ANKZF1: variants seen among roughly 807,000 people sequenced by gnomAD.
ANKZF1 encodes tRNA endonuclease ANKZF1.
ANKZF1 carries 84 observed loss-of-function variants against 86.0 expected under a neutral mutation model. The observed-to-expected ratio is 0.98, with a 90% confidence interval of 0.82 to 1.17. ANKZF1 has a LOEUF of 1.17. Ranked by LOEUF, ANKZF1 falls within the 50% of genes most tolerant of loss-of-function variation. ANKZF1 has a pLI of 0.00. For synonymous variants in ANKZF1, 331 were observed against 354.2 expected (o/e 0.93, Z 0.74); for missense variants, 893 against 918.4 (o/e 0.97, Z 0.36).
chr2:219,232,882 A>G, intron 5 of ANKZF1, 197 bp from the exon 6 acceptor site: 1 of 829,942 alleles, frequency 1.2e-6, no homozygotes, highest in East Asian at 2.6e-5. Flanking sequence ...TTGGAAACAA[A>G]CCAATTTAGG....
intron 6 of ANKZF1, 30 bp from the exon 7 acceptor site, chr2:219,233,256 T>C (rs1204984547): frequency 1.2e-6 from 2 of 1,614,172 alleles, no homozygotes; most frequent in East Asian, 2.2e-5. Flanking sequence ...CACCAGCTGG[T>C]CTCCAGTACT....
In ANKZF1 at chr2:219,235,245, G is replaced by A. The variant is rs1471232504; in HGVS notation, c.1624G>A (p.Ala542Thr). Residue 542 changes from alanine (A) to threonine (T), a missense_variant, in exon 10 of 14, where the codon GCA becomes ACA. Physicochemically the swap from Ala to Thr is moderately conservative, Grantham distance 58. Transcript: ENST00000323348. The part of the protein sequence containing the change: ...GSGGFTLLHA[A>T]AAAGRGSVVR... ...CGGTGGCTTTACTCTCCTGCATGCAGCAGCTGCAGCTGGAAGAGGCTCAGT... is the reference window on the plus strand; with the variant it reads ...CGGTGGCTTTACTCTCCTGCATGCAACAGCTGCAGCTGGAAGAGGCTCAGT... 6.2e-7 allele frequency: 1 copy of A among 1,612,930 alleles called. No homozygotes were observed.
rs1166723752 is a variant in ANKZF1 at position 219,236,030 on chromosome 2, C to T, written c.1992C>T (p.Arg664=). 1.2e-6 allele frequency: 2 copies of T among 1,614,212 alleles called. No individual in the cohort carries two copies. Among genetic ancestry groups the T allele is most frequent in the Non-Finnish European group, 1.7e-6 (2 of 1,180,034 alleles). ...CTCAGAGAGCTCTGGCTGCAGAGCG[C>T]CGACTCGCTGCCCAGTTGGGAGCCC... ...DREKRALAAE[R]RLAAQLGAPT... The change falls in exon 13 of 14, where the codon CGC becomes CGT. Residue 664 remains arginine (R), a synonymous_variant. Coordinates refer to ENST00000323348, the MANE Select transcript of ANKZF1 (RefSeq NM_018089.3).
intron 9 of ANKZF1, 112 bp from the exon 10 acceptor site, chr2:219,234,714 T>C: frequency 7.1e-7 from 1 of 1,406,908 alleles, no homozygotes; most frequent in South Asian, 1.4e-5. Flanking sequence ...GTGCTACTTT[T>C]ATCTGGGTGA....
intron 2 of ANKZF1, 189 bp downstream of exon 2, chr2:219,230,594 A>G (rs1951004430): frequency 1.5e-6 from 1 of 654,298 alleles, no homozygotes; most frequent in South Asian, 2.7e-5. Flanking sequence ...TCTTTTTGCC[A>G]TTGCATGTAT....
Position 219,236,646 on chromosome 2 carries a change from A to G in ANKZF1, c.*201A>G, listed in dbSNP as rs1951247780. 1 of 707,874 alleles carries G rather than the reference A, an allele frequency of 1.4e-6. No homozygotes were observed. The allele number at this position is 707,874 out of a possible 1,614,324, so 43.8% of individuals were successfully genotyped here. ...AATTTTAATCACAATAAAGTTTGGC[A>G]AGGAATGTGTACTTGTACTTACATT... is the stretch of plus-strand genomic sequence containing the variant. On this transcript the variant is annotated 3_prime_UTR_variant, in exon 14 of 14. Coordinates refer to ENST00000323348, the MANE Select transcript of ANKZF1 (RefSeq NM_018089.3).
intron 9 of ANKZF1, chr2:219,234,553 G>T: frequency 1.6e-6 from 1 of 643,672 alleles, no homozygotes; most frequent in Non-Finnish European, 2.7e-6. Flanking sequence ...ATCTTTGATT[G>T]GATGCTGTGG....
At position 219,234,962 on chromosome 2, in the gene ANKZF1, C is replaced by G; in HGVS notation, c.1341C>G (p.Ser447Arg). 6.2e-7 allele frequency: 1 copy of G among 1,614,212 alleles called. No individual in the cohort carries two copies. The highest frequency in any genetic ancestry group is 1.1e-5 in the South Asian group (1 of 91,086). ...GAAAAAGGAATAAGAAGGAGAAAAG[C>G]CGAGACCAGGAGGCTGGGGCACATC... ...RRRKRNKKEK[S>R]RDQEAGAHRT... The change falls in exon 10 of 14, where the codon AGC becomes AGG. Residue 447 changes from serine to arginine, a missense_variant. Physicochemically the swap from Ser to Arg is moderately radical, Grantham distance 110 (BLOSUM62 -1). Coordinates refer to ENST00000323348, the MANE Select transcript of ANKZF1 (RefSeq NM_018089.3).
rs571893305 is a variant in ANKZF1, at chr2:219,232,026, AACC to A, written c.252_254del (p.His84del). 2.3e-3 allele frequency: 3,730 copies of A among 1,605,364 alleles called. 3 individuals are homozygous for A. Among genetic ancestry groups the A allele is most frequent in the Non-Finnish European group, 2.8e-3 (3,255 of 1,177,034 alleles). ...TTCAACTTGTGACCAGACCTTCCAG[AACC>A]ACCAAGAACAGGTAATAGGTCAGGT... On this transcript the variant is annotated inframe_deletion, in exon 3 of 14. Transcript: ENST00000323348.
Position 219,236,111 on chromosome 2 carries a change from T to C in ANKZF1, c.2057+16T>C, listed in dbSNP as rs1292750314. 6 of 1,613,986 alleles carry C rather than the reference T, an allele frequency of 3.7e-6. No homozygotes were observed. The South Asian group carries it at 6.6e-5, about 18-fold the overall frequency. On this transcript the variant is annotated intron_variant, in intron 13 of 13. Transcript: ENST00000323348. ...TCAATACTCGGTATGGGGTGCGGGA[T>C]GAGGGAGTGGGTGGACTGTAATGTT...
chr2:219,234,093 C>T (rs1170415543), intron 8 of ANKZF1, 40 bp from the exon 9 acceptor site: 2 of 1,592,008 alleles, frequency 1.3e-6, no homozygotes, highest in African/African-American at 2.7e-5. Context: ...GCTAGCTTCT[C>T]CTCAGCTAAG....
intron 4 of ANKZF1, 63 bp from the exon 5 acceptor site, chr2:219,232,427 G>C (rs1574846344): frequency 1.2e-6 from 2 of 1,611,054 alleles, no homozygotes; most frequent in Non-Finnish European, 1.7e-6. Flanking sequence ...CACTAGTTTA[G>C]AGTTTGAGGA....
Position 219,236,510 on chromosome 2 carries a change from G to GT in ANKZF1, c.*71dup. On this transcript the variant is annotated 3_prime_UTR_variant, in exon 14 of 14. Coordinates refer to ENST00000323348, the MANE Select transcript of ANKZF1 (RefSeq NM_018089.3). ...GAGGGCACATTCACAGCAGCCCTAG[G>GT]TTTTTTCTTCCCCGTGAAACCAGAG... The GT allele has an allele frequency of 2.0e-6, 3 of 1,511,564 alleles. No homozygotes were observed. Among genetic ancestry groups the GT allele is most frequent in the South Asian group, 2.7e-5 (2 of 75,084 alleles). 93.6% of individuals were successfully genotyped at this position (1,511,564 alleles called of 1,614,324 possible). A position where few individuals can be genotyped will look rare whatever the true frequency, so the allele number is the denominator to read the frequency against.
At position 219,234,176 on chromosome 2, in the gene ANKZF1, A is replaced by T. The variant is rs780416274; in HGVS notation, c.1092A>T (p.Thr364=). 6.2e-7 allele frequency: 1 copy of T among 1,614,144 alleles called. No homozygotes were observed. Among genetic ancestry groups the T allele is most frequent in the East Asian group, 2.2e-5 (1 of 44,894 alleles). Residue 364 remains threonine (T), a synonymous_variant, in exon 9 of 14, where the codon ACA becomes ACT. Coordinates refer to ENST00000323348, the MANE Select transcript of ANKZF1 (RefSeq NM_018089.3). ...CAGTCAGACTGCACTCACCTCAGAC[A>T]CACTGGAAAACAGTAAGAGAGGAGA... The part of the protein sequence containing the change: ...REAVRLHSPQ[T]HWKTVREERK...
At chr2:219,234,015 G>A in intron 8 of ANKZF1, 72 bp downstream of exon 8, 1 of 1,527,790 alleles carries the variant, frequency 6.5e-7, no homozygotes, top group East Asian at 2.3e-5. Flanking sequence ...CATTCTCATT[G>A]GTATATCCAG....
chr2:219,230,536 C>A, intron 2 of ANKZF1, 131 bp downstream of exon 2: 1 of 1,232,854 alleles, frequency 8.1e-7, no homozygotes, highest in Non-Finnish European at 1.1e-6. Context: ...TGATTAAATT[C>A]ACTTAATCTC....
chr2:219,231,818 G>T, intron 2 of ANKZF1, 110 bp from the exon 3 acceptor site: 1 of 849,848 alleles, frequency 1.2e-6, no homozygotes, highest in Non-Finnish European at 2.0e-6. Context: ...GCAGTATCAT[G>T]CCATCTCTTT....
Position 219,236,307 on chromosome 2 carries a change from C to T in ANKZF1, c.2058-15C>T. ...CTGGGGTACCTGTCCAGCCATTTTT[C>T]TTCCTCTTGTTCAGACGCTGCTGGA... On this transcript the variant is annotated splice_polypyrimidine_tract_variant and intron_variant, in intron 13 of 13. Coordinates refer to ENST00000323348, the MANE Select transcript of ANKZF1 (RefSeq NM_018089.3). 1 of 1,613,868 alleles carries T rather than the reference C, an allele frequency of 6.2e-7. No individual in the cohort carries two copies.
At position 219,233,963 on chromosome 2, in the gene ANKZF1, C is replaced by A. The variant is rs559062007; in HGVS notation, c.1048+20C>A. ...TCTATGGTGAGCCTTTGCTCCAGAT[C>A]CCAATTCCCTAGACCTTCCTGTTCT... On this transcript the variant is annotated intron_variant, in intron 8 of 13. Coordinates refer to ENST00000323348, the MANE Select transcript of ANKZF1 (RefSeq NM_018089.3). 4.4e-5 allele frequency: 69 copies of A among 1,551,102 alleles called. 1 individual carries two copies. In the South Asian group the frequency reaches 8.5e-4, roughly 19 times the overall value.
Sources: gnomAD v4.1 joint callset for allele counts on GRCh38, gnomAD v4.1.1 for gene constraint, MANE v1.5 for transcripts, NCBI Gene and HGNC (gene_info 2026-07-23, HGNC 2026-07-21) for gene names.